The following PIGQ variants were observed in gnomAD, a reference collection of about 807,000 sequenced individuals.
The protein encoded by PIGQ is phosphatidylinositol glycan anchor biosynthesis class Q.
In PIGQ, 54 loss-of-function variants were observed where a neutral mutation model predicts 60.3. The ratio of observed to expected loss-of-function variants is 0.90; its 90% confidence interval spans 0.72 to 1.12. PIGQ has a LOEUF of 1.12. PIGQ is among the 50% of genes most tolerant of loss of function. The pLI is 0.00. For missense variants in PIGQ, 799 were observed against 793.5 expected, an observed-to-expected ratio of 1.01 and a Z score of -0.08; for synonymous variants, 416 against 363.7, an observed-to-expected ratio of 1.14 and a Z score of -1.64.
rs756996511 is a variant in PIGQ, at chr16:574,498, C to T, written c.424C>T (p.His142Tyr). Residue 142 changes from histidine to tyrosine, a missense_variant, in exon 2 of 11, where the codon CAC (histidine) becomes TAC (tyrosine). His to Tyr is a moderately conservative substitution (Grantham distance 83, BLOSUM62 2). Transcript: ENST00000321878. ...DQRQVLLSQLHLPTVLPDRQA... is the reference protein window; with the variant it reads ...DQRQVLLSQLYLPTVLPDRQA... ...GCGCCAGGTGTTGCTGTCACAGCTA[C>T]ACCTGCCCACCGTCCTGCCCGACCG... The T allele has an allele frequency of 1.2e-5, 20 of 1,608,714 alleles. No homozygotes were observed. The highest frequency in any genetic ancestry group is 1.7e-5 in the Admixed American group (1 of 59,634).
Position 575,957 on chromosome 16 carries a change from G to C in PIGQ, c.808G>C (p.Ala270Pro), listed in dbSNP as rs1353092774. 2 of 1,584,808 alleles carry C rather than the reference G, an allele frequency of 1.3e-6. No homozygotes were observed. Among genetic ancestry groups the C allele is most frequent in the Non-Finnish European group, 1.7e-6 (2 of 1,166,014 alleles). Residue 270 changes from alanine (A) to proline (P), a missense_variant, in exon 3 of 11, where the codon GCC becomes CCC. Ala to Pro is a conservative substitution (Grantham distance 27). Transcript: ENST00000321878. ...IFSTRKAENPAQLMRKANTVA... is the reference protein window; with the variant it reads ...IFSTRKAENPPQLMRKANTVA... ...CAGTACACGGAAGGCGGAGAACCCTGCCCAGCTGATGAGGTGTGGGCCTGC... is the reference window on the plus strand; with the variant it reads ...CAGTACACGGAAGGCGGAGAACCCTCCCCAGCTGATGAGGTGTGGGCCTGC...
In PIGQ at chr16:574,416, G is replaced by A. The variant is rs1439531527; in HGVS notation, c.342G>A (p.Ala114=). The A allele has an allele frequency of 1.9e-6, 3 of 1,610,674 alleles. No homozygotes were observed. Among genetic ancestry groups the A allele is most frequent in the East Asian group, 2.2e-5 (1 of 44,804 alleles). The change falls in exon 2 of 11, where the codon GCG becomes GCA. Residue 114 remains alanine, a synonymous_variant. Transcript: ENST00000321878. ...GCTGCGAGGCCACCCACCGGCAAGC[G>A]CCCACTGCCCCCGGTGCCCCTGGTG... ...FWSCEATHRQ[A]PTAPGAPGED...
intron 1 of PIGQ, among the ~76,000 whole-genome samples, chr16:571,969 C>T (rs984751940): frequency 3.3e-5 from 5 of 152,196 alleles, no homozygotes; most frequent in African/African-American, 1.2e-4. Flanking sequence ...ATCGTGAGCA[C>T]GTAGCTCGGT....
chr16:579,084 G>C lies in PIGQ; in HGVS notation c.1239G>C (p.Lys413Asn). The C allele has an allele frequency of 6.2e-7, 1 of 1,612,656 alleles. No individual in the cohort carries two copies. The highest frequency in any genetic ancestry group is 1.1e-5 in the South Asian group (1 of 91,086). Residue 413 changes from lysine (K) to asparagine (N), a missense_variant, in exon 7 of 11, where the codon AAG becomes AAC. By Grantham distance (94) the Lys-to-Asn change is moderately conservative. Coordinates refer to ENST00000321878, the MANE Select transcript of PIGQ (RefSeq NM_004204.5). ...YVYGARLYCL[K>N]IHGLSSLWRL... ...CGTCCTGTAGGCTGTACTGCCTGAA[G>C]ATCCATGGCCTGTCCTCACTGTGGC...
In PIGQ at chr16:583,513, A is replaced by G. The variant is rs150633767; in HGVS notation, c.*478A>G. On this transcript the variant is annotated 3_prime_UTR_variant, in exon 11 of 11. Transcript: ENST00000321878. ...CACCCTCTAGCTCCCTCAGCCGAAC[A>G]GCACCCTGCATCTGGGGGATTGAAG... 13 of 1,612,664 alleles carry G rather than the reference A, an allele frequency of 8.1e-6. No individual in the cohort carries two copies. In the African/African-American group the frequency reaches 1.6e-4, roughly 20 times the overall value.
chr16:578,565 C>A lies in PIGQ; in HGVS notation c.1069+60C>A, dbSNP rs889181148. 80 of 1,555,924 alleles carry A rather than the reference C, an allele frequency of 5.1e-5. 1 individual carries two copies. The highest frequency in any genetic ancestry group is 7.1e-5 in the Admixed American group (4 of 56,630). On this transcript the variant is annotated intron_variant, in intron 5 of 10. Transcript: ENST00000321878. ...CAGAGCTTGCTGAAGAGGGTAGGGA[C>A]CCAGCCAGACCCCGCCCCCTGTGCC...
chr16:579,042 C>T lies in PIGQ; in HGVS notation c.1224-27C>T, dbSNP rs1297674179. The T allele has an allele frequency of 1.1e-5, 17 of 1,585,922 alleles. No individual in the cohort carries two copies. The East Asian group carries it at 1.3e-4, about 13-fold the overall frequency. On this transcript the variant is annotated intron_variant, in intron 6 of 10. Coordinates refer to ENST00000321878, the MANE Select transcript of PIGQ (RefSeq NM_004204.5). ...GGGGCGGGGCGGGGCGGGGCGGGGC[C>T]GGGCCCGACAGCACTGCGTCCTGTA...
In PIGQ at chr16:583,418, G is replaced by T. The variant is rs2035846398; in HGVS notation, c.*383G>T. On this transcript the variant is annotated 3_prime_UTR_variant, in exon 11 of 11. Coordinates refer to ENST00000321878, the MANE Select transcript of PIGQ (RefSeq NM_004204.5). ...AGGTGGAGGGCTGGTCTCCCTGGGG[G>T]CTCCCCAGTGGCTCTGCCCTGGCTG... 6.8e-6 allele frequency: 11 copies of T among 1,612,726 alleles called. No individual in the cohort carries two copies. The highest frequency in any genetic ancestry group is 1.1e-5 in the South Asian group (1 of 91,078).
intron 1 of PIGQ, among the ~76,000 whole-genome samples, chr16:573,505 G>A (rs1011732978): frequency 6.6e-6 from 1 of 152,168 alleles, no homozygotes; most frequent in Non-Finnish European, 1.5e-5. Flanking sequence ...CTTCTGGGGG[G>A]CTGCCCGCCG....
At chr16:578,103 G>A in intron 4 of PIGQ, 1 of 366,284 alleles carries the variant, frequency 2.7e-6, no homozygotes, top group South Asian at 3.5e-5. Flanking sequence ...GGAGGAAGAT[G>A]GTAGAGGTGG....
Position 574,700 on chromosome 16 carries a change from C to T in PIGQ, c.626C>T (p.Ser209Leu), listed in dbSNP as rs764793325. The T allele has an allele frequency of 1.9e-5, 31 of 1,599,122 alleles. No individual in the cohort carries two copies. The highest frequency in any genetic ancestry group is 1.6e-4 in the East Asian group (7 of 44,678). ...SILAELARRA[S>L]GPICLLLASL... is the part of the protein sequence containing the mutation. ...CTCGCGGAGCTGGCCAGGCGAGCCT[C>T]GGGACCCATTTGCCTGCTGTTGGCC... The change falls in exon 2 of 11, where the codon TCG becomes TTG. Residue 209 changes from serine to leucine, a missense_variant. By Grantham distance (145) the Ser-to-Leu change is moderately radical (BLOSUM62 -2). Transcript: ENST00000321878.
chr16:573,289 C>T (rs1215316375), intron 1 of PIGQ, among the ~76,000 whole-genome samples: 2 of 152,240 alleles, frequency 1.3e-5, no homozygotes, highest in African/African-American at 4.8e-5. Context: ...TCTAGGCACC[C>T]ATGTCGTTGG....
At position 580,280 on chromosome 16, in the gene PIGQ, C is replaced by T. The variant is rs2035791243; in HGVS notation, c.1416+17C>T. ...TTCACCCTGGTGAGCTGAGCACCCA[C>T]AGGCTGGGCCTGGCTGCAGTGCTCT... On this transcript the variant is annotated intron_variant, in intron 8 of 10. Coordinates refer to ENST00000321878, the MANE Select transcript of PIGQ (RefSeq NM_004204.5). 1.3e-6 allele frequency: 2 copies of T among 1,583,036 alleles called. No homozygotes were observed. Among genetic ancestry groups the T allele is most frequent in the Non-Finnish European group, 1.7e-6 (2 of 1,156,438 alleles).
chr16:578,633 G>A, intron 5 of PIGQ, 128 bp downstream of exon 5: 1 of 1,405,856 alleles, frequency 7.1e-7, no homozygotes, highest in South Asian at 1.3e-5. Context: ...GAGGCCTGCT[G>A]TGCTCAGCTG....
At chr16:579,431 G>C in intron 7 of PIGQ, 1 of 407,024 alleles carries the variant, frequency 2.5e-6, no homozygotes, top group Non-Finnish European at 4.3e-6. Context: ...ACAGGCCCTA[G>C]AGGTGCCCCG....
At chr16:582,141 C>G (rs532321051) in intron 9 of PIGQ, 107 bp from the exon 10 acceptor site, 81 of 832,428 alleles carry the variant, frequency 9.7e-5, no homozygotes, top group Admixed American at 3.4e-4. Flanking sequence ...GTGGCCACGG[C>G]CAGCAGCACC....
chr16:583,747 G>A lies in PIGQ; in HGVS notation c.*712G>A, dbSNP rs766110726. 4.7e-5 allele frequency: 58 copies of A among 1,240,876 alleles called. No individual in the cohort carries two copies. The highest frequency in any genetic ancestry group is 2.6e-4 in the South Asian group (21 of 82,336). The allele number at this position is 1,240,876 out of a possible 1,614,324, so 76.9% of individuals were successfully genotyped here. On this transcript the variant is annotated 3_prime_UTR_variant, in exon 11 of 11. Transcript: ENST00000321878. The stretch of plus-strand genomic sequence containing the variant: ...CGTACCTATTCGTCCACGGTGCCCC[G>A]TAGCAGCAGGTCCTGCGGCCAAATC...
chr16:575,977 G>T lies in PIGQ; in HGVS notation c.821+7G>T, dbSNP rs374974911. On this transcript the variant is annotated splice_region_variant and intron_variant, in intron 3 of 10. Coordinates refer to ENST00000321878, the MANE Select transcript of PIGQ (RefSeq NM_004204.5). ...ACCCTGCCCAGCTGATGAGGTGTGG[G>T]CCTGCCCTGGTCTCTGCAGGGCTGG... The T allele has an allele frequency of 3.0e-5, 48 of 1,579,032 alleles. No individual in the cohort carries two copies. Among genetic ancestry groups the T allele is most frequent in the Middle Eastern group, 3.3e-4 (2 of 6,040 alleles).
In PIGQ at chr16:580,960, T is replaced by A. The variant is rs1344086211; in HGVS notation, c.1519T>A (p.Tyr507Asn). Reference protein sequence around the residue: ...YSLGLRLCRPYRLAAGVKFRV... With the variant: ...YSLGLRLCRPNRLAAGVKFRV... Reference sequence around the variant, plus strand: ...ACTGGGTCTTCGGCTCTGCCGGCCCTACAGGCTGGCGGGTAAGTGCTGCGT... The same window carrying A: ...ACTGGGTCTTCGGCTCTGCCGGCCCAACAGGCTGGCGGGTAAGTGCTGCGT... The change falls in exon 9 of 11, where the codon TAC becomes AAC. Residue 507 changes from tyrosine to asparagine, a missense_variant. Physicochemically the swap from Tyr to Asn is moderately radical, Grantham distance 143 (BLOSUM62 -2). Transcript: ENST00000321878. 2 of 1,606,448 alleles carry A rather than the reference T, an allele frequency of 1.2e-6. No individual in the cohort carries two copies. Among genetic ancestry groups the A allele is most frequent in the Non-Finnish European group, 1.7e-6 (2 of 1,174,604 alleles).
Sources: allele counts gnomAD v4.1 joint callset (sites outside exome capture counted in the v4.1 genomes callset), GRCh38; gene constraint gnomAD v4.1.1; transcripts MANE v1.5; gene names NCBI Gene and HGNC (gene_info 2026-07-23, HGNC 2026-07-21).